Variants in NRDE2 observed in about 807,000 individuals in gnomAD.
The protein encoded by NRDE2 is NRDE-2, necessary for RNA interference, domain containing.
A neutral mutation model predicts 124.2 loss-of-function variants in NRDE2; 76 were observed. The observed-to-expected ratio is 0.61, with a 90% CI of 0.51 to 0.74. The LOEUF (loss-of-function observed/expected upper bound fraction) is 0.74. Among genes scored for constraint, NRDE2 ranks in the 30% least tolerant of loss-of-function variants. The pLI, the probability that NRDE2 is intolerant of heterozygous loss-of-function variation, is 0.00. For missense variants in NRDE2, 1,314 were observed against 1,417.3 expected, an observed-to-expected ratio of 0.93 and a Z score of 1.17; for synonymous variants, 489 against 528.1, an observed-to-expected ratio of 0.93 and a Z score of 1.01.
rs1251047979 is a variant in NRDE2 at position 90,272,287 on chromosome 14, A to G, written c.*6049T>C. 1 of 1,603,976 alleles carries G rather than the reference A, an allele frequency of 6.2e-7. No homozygotes were observed. Among genetic ancestry groups the G allele is most frequent in the Admixed American group, 1.8e-5 (1 of 56,802 alleles). ...CTTTCTTACAGGCAATCTGTACAGA[A>G]GCTGGTCTGATGGCCTTAAGAGAAC... is the stretch of plus-strand genomic sequence containing the variant. On this transcript the variant is annotated 3_prime_UTR_variant, in exon 14 of 14. Transcript: ENST00000354366. The surrounding 1 kb of genome is among the most constrained non-coding windows in gnomAD (Gnocchi z 4.5).
intron 1 of NRDE2, among the ~76,000 whole-genome samples, chr14:90,324,513 T>C (rs1292722068): frequency 1.3e-5 from 2 of 151,756 alleles, no homozygotes; most frequent in Admixed American, 6.6e-5. Context: ...CCATCTCTAC[T>C]AGAAATACAA....
intron 12 of NRDE2, among the ~76,000 whole-genome samples, chr14:90,281,836 G>A (rs146509523): frequency 3.3e-5 from 5 of 152,310 alleles, no homozygotes; most frequent in Non-Finnish European, 5.9e-5. Flanking sequence ...ATGTGCTCCT[G>A]AGAGAAGACT....
At chr14:90,320,714 G>A (rs181406630) in intron 1 of NRDE2, among the ~76,000 whole-genome samples, 33 of 152,306 alleles carry the variant, frequency 2.2e-4, no homozygotes, top group African/African-American at 7.5e-4. Flanking sequence ...ACAGAAAAAA[G>A]GGAAAGAAGT....
In NRDE2 at chr14:90,275,187, A is replaced by C. The variant is rs1891776859; in HGVS notation, c.*3149T>G. On this transcript the variant is annotated 3_prime_UTR_variant, in exon 14 of 14. Transcript: ENST00000354366. ...TCAAAAAGCTTCCAATCAGAAGGAG[A>C]CCAAAGAGATGACAACCAAGTGCAG... 1 of 152,140 alleles carries C rather than the reference A, an allele frequency of 6.6e-6. No homozygotes were observed. Among genetic ancestry groups the C allele is most frequent in the Non-Finnish European group, 1.5e-5 (1 of 68,034 alleles). 9.4% of individuals were successfully genotyped at this position (152,140 alleles called of 1,614,324 possible).
At position 90,277,572 on chromosome 14, in the gene NRDE2, ACAAGCGTGC is replaced by A. The variant is rs1405557466; in HGVS notation, c.*755_*763del. On this transcript the variant is annotated 3_prime_UTR_variant, in exon 14 of 14. Transcript: ENST00000354366. The stretch of plus-strand genomic sequence containing the variant: ...TTCATAGTGTAAGCAGCGTTGCTGC[ACAAGCGTGC>A]CGGGCCCCTCATGCAGGCAGGGCTG... 1 of 152,346 alleles carries A rather than the reference ACAAGCGTGC, an allele frequency of 6.6e-6. No homozygotes were observed. Among genetic ancestry groups the A allele is most frequent in the African/African-American group, 2.4e-5 (1 of 41,462 alleles). 9.4% of individuals were successfully genotyped at this position (152,346 alleles called of 1,614,324 possible).
In NRDE2 at chr14:90,288,383, G is replaced by A; in HGVS notation, c.2992C>T (p.Gln998Ter). Residue 998 changes from glutamine to a stop codon, truncating the protein, a stop_gained, in exon 11 of 14, where the codon CAG becomes TAG. Transcript: ENST00000354366. LOFTEE classifies it high-confidence loss of function. The part of the protein sequence containing the change: ...SQALKLYPGN[Q>*]VLWRSYVQIQ... ...TGTACATAGGACCTCCAAAGAACCT[G>A]GTTGCCTGGATACAACTTTAAAGCC... 3.7e-6 allele frequency: 6 copies of A among 1,614,166 alleles called. No individual in the cohort carries two copies. The highest frequency in any genetic ancestry group is 5.1e-6 in the Non-Finnish European group (6 of 1,180,034).
rs1891687806 is a variant in NRDE2 at position 90,272,209 on chromosome 14, T to G, written c.*6127A>C. The G allele has an allele frequency of 2.5e-6, 4 of 1,579,286 alleles. No homozygotes were observed. The African/African-American group carries it at 5.5e-5, about 22-fold the overall frequency. On this transcript the variant is annotated 3_prime_UTR_variant, in exon 14 of 14. Transcript: ENST00000354366. This position sits in a 1 kb window ranked among gnomAD's most constrained non-coding sequence, Gnocchi z 4.5. ...GCGCCTGGCCTCAGAATAGGTTTTTTGGAATTCCTTGTTAGAATAAAAATG... is the reference window on the plus strand; with the variant it reads ...GCGCCTGGCCTCAGAATAGGTTTTTGGGAATTCCTTGTTAGAATAAAAATG...
At position 90,298,290 on chromosome 14, in the gene NRDE2, C is replaced by A; in HGVS notation, c.1636G>T (p.Glu546Ter). Reference sequence around the variant, plus strand: ...TTGATGACCACCCAGCCACCTCGTTCCTGCTGGTGCATCCACGCCTTCCAG... The same window carrying A: ...TTGATGACCACCCAGCCACCTCGTTACTGCTGGTGCATCCACGCCTTCCAG... Reference protein sequence around the residue: ...RGWKAWMHQQERGGWVVINPD... With the variant: ...RGWKAWMHQQ Residue 546 changes from glutamate to a stop codon, truncating the protein, a stop_gained, in exon 8 of 14, where the codon GAA becomes TAA. Transcript: ENST00000354366. LOFTEE classifies it high-confidence loss of function. 1 of 1,613,674 alleles carries A rather than the reference C, an allele frequency of 6.2e-7. No homozygotes were observed. The highest frequency in any genetic ancestry group is 8.5e-7 in the Non-Finnish European group (1 of 1,179,964).
intron 1 of NRDE2, among the ~76,000 whole-genome samples, chr14:90,328,566 G>A (rs749529125): frequency 7.9e-5 from 12 of 152,178 alleles, no homozygotes; most frequent in Non-Finnish European, 1.8e-4. Flanking sequence ...GCAAACACAT[G>A]AATCCACTGG....
At chr14:90,301,934 G>A (rs1040519830) in intron 6 of NRDE2, 3 of 412,068 alleles carry the variant, frequency 7.3e-6, no homozygotes, top group Non-Finnish European at 1.5e-5. Flanking sequence ...CTCTGTGTCA[G>A]TGTGATAAAT....
chr14:90,317,953 T>C, intron 2 of NRDE2, 52 bp downstream of exon 2: 1 of 1,341,948 alleles, frequency 7.5e-7, no homozygotes, highest in Non-Finnish European at 1.1e-6. Flanking sequence ...TCAGCTAAGC[T>C]ATAGACAGTA....
chr14:90,324,501 C>A (rs759880878), intron 1 of NRDE2, among the ~76,000 whole-genome samples: 2 of 151,838 alleles, frequency 1.3e-5, no homozygotes, highest in African/African-American at 2.4e-5. Flanking sequence ...CATGGTGAAA[C>A]CCCATCTCTA....
At chr14:90,293,335 C>G (rs954660310) in intron 8 of NRDE2, among the ~76,000 whole-genome samples, 3 of 152,152 alleles carry the variant, frequency 2.0e-5, no homozygotes, top group Non-Finnish European at 2.9e-5. Context: ...ACTGCAATCT[C>G]CGCCTCCCAG....
chr14:90,270,537 C>G lies in NRDE2; in HGVS notation c.*7799G>C. On this transcript the variant is annotated 3_prime_UTR_variant, in exon 14 of 14. Coordinates refer to ENST00000354366, the MANE Select transcript of NRDE2 (RefSeq NM_017970.4). ...GATATTGAAGTCATTCTTAATGCAT[C>G]ATTTTATGCAGTGAATGACGCTAAA... is the stretch of plus-strand genomic sequence containing the variant. The G allele has an allele frequency of 1.6e-6, 1 of 628,016 alleles. No individual in the cohort carries two copies. Among genetic ancestry groups the G allele is most frequent in the Non-Finnish European group, 2.5e-6 (1 of 397,266 alleles). The allele number at this position is 628,016 out of a possible 1,614,324, so 38.9% of individuals were successfully genotyped here. A position where few individuals can be genotyped will look rare whatever the true frequency, so the allele number is the denominator to read the frequency against.
At chr14:90,289,196 C>T in intron 10 of NRDE2, 51 bp from the exon 11 acceptor site, 1 of 1,439,218 alleles carries the variant, frequency 6.9e-7, no homozygotes, top group Non-Finnish European at 9.5e-7. Flanking sequence ...ATTAAGGCGT[C>T]CTCTGCTGCC....
At chr14:90,303,804 C>T in intron 5 of NRDE2, 131 bp downstream of exon 5, 1 of 811,192 alleles carries the variant, frequency 1.2e-6, no homozygotes. Flanking sequence ...GGCAAAGGCT[C>T]TATTCTAATA....
chr14:90,288,476 T>A lies in NRDE2; in HGVS notation c.2899A>T (p.Ser967Cys). The change falls in exon 11 of 14, where the codon AGC (serine) becomes TGC (cysteine). Residue 967 changes from serine (S) to cysteine (C), a missense_variant. By Grantham distance (112) the Ser-to-Cys change is moderately radical (BLOSUM62 -1). Transcript: ENST00000354366. The part of the protein sequence containing the change: ...VLEAITLMHT[S>C]LLRFHMKVSV... ...ACTTTCATGTGGAATCTCAGCAGGC[T>A]CGTGTGCATCAGTGTGATGGCTTCG... 3 of 1,614,146 alleles carry A rather than the reference T, an allele frequency of 1.9e-6. No individual in the cohort carries two copies. Among genetic ancestry groups the A allele is most frequent in the Non-Finnish European group, 2.5e-6 (3 of 1,180,036 alleles).
chr14:90,291,709 T>A (rs1892275501), intron 9 of NRDE2, among the ~76,000 whole-genome samples: 1 of 152,204 alleles, frequency 6.6e-6, no homozygotes, highest in Non-Finnish European at 1.5e-5. Flanking sequence ...TCTGTCTCTA[T>A]CCCCACTTCT....
At chr14:90,320,403 C>G (rs770623195) in intron 1 of NRDE2, among the ~76,000 whole-genome samples, 1 of 152,198 alleles carries the variant, frequency 6.6e-6, no homozygotes, top group African/African-American at 2.4e-5. Flanking sequence ...AACTCACTCA[C>G]TATCGTGAGA....
Sources: allele counts gnomAD v4.1 joint callset (sites outside exome capture counted in the v4.1 genomes callset), GRCh38; gene constraint gnomAD v4.1.1; non-coding constraint Gnocchi (gnomAD v3.1); transcripts MANE v1.5; gene names NCBI Gene and HGNC (gene_info 2026-07-23, HGNC 2026-07-21).